The following KIAA1217 variants were observed in gnomAD, a reference collection of about 807,000 sequenced individuals.
KIAA1217 encodes the protein sickle tail protein homolog.
In KIAA1217, 88 loss-of-function variants were observed where a neutral mutation model predicts 163.9. The observed-to-expected ratio is 0.54, with a 90% CI of 0.45 to 0.64. The LOEUF is 0.64. KIAA1217 is among the 30% of genes least tolerant of loss of function. KIAA1217 has a pLI of 0.00. For synonymous variants in KIAA1217, 903 were observed against 923.1 expected (o/e 0.98, Z 0.39); for missense variants, 2,372 against 2,475.0 (o/e 0.96, Z 0.88).
At chr10:24,070,456 G>A (rs1029735362) in intron 2 of KIAA1217, among the ~76,000 whole-genome samples, 1 of 152,004 alleles carries the variant, frequency 6.6e-6, no homozygotes, top group Non-Finnish European at 1.5e-5. Flanking sequence ...CAAACAGCAG[G>A]TAATAGATTG....
intron 3 of KIAA1217, among the ~76,000 whole-genome samples, chr10:24,431,559 G>A (rs3762086): frequency 0.17 from 26,432 of 152,028 alleles, 2,386 homozygotes; most frequent in African/African-American, 0.22. Context: ...TAAAATGGGC[G>A]CTTAGATGGG....
chr10:23,813,356 T>C (rs1683618762), intron 1 of KIAA1217, among the ~76,000 whole-genome samples: 1 of 152,060 alleles, frequency 6.6e-6, no homozygotes, highest in South Asian at 2.1e-4. Context: ...AAATAAATAA[T>C]TCCTTTTTTT....
At chr10:24,151,046 G>A (rs1456112098) in intron 2 of KIAA1217, among the ~76,000 whole-genome samples, 2 of 152,122 alleles carry the variant, frequency 1.3e-5, no homozygotes, top group Non-Finnish European at 2.9e-5. Flanking sequence ...CCCGTTCTGG[G>A]AGACAAAGCT....
chr10:23,696,400 T>C (rs970801081), intron 1 of KIAA1217, among the ~76,000 whole-genome samples: 1 of 152,186 alleles, frequency 6.6e-6, no homozygotes, highest in Non-Finnish European at 1.5e-5. Flanking sequence ...GCTTCGGGAA[T>C]GGAAATCCCA....
chr10:24,162,453 C>T (rs922375474), intron 2 of KIAA1217, among the ~76,000 whole-genome samples: 3 of 152,192 alleles, frequency 2.0e-5, no homozygotes, highest in African/African-American at 7.2e-5. Context: ...CCTCTTCATC[C>T]CTGTGGCAGA....
intron 1 of KIAA1217, among the ~76,000 whole-genome samples, chr10:23,850,277 G>A (rs1839247084): frequency 6.6e-6 from 1 of 152,116 alleles, no homozygotes; most frequent in Non-Finnish European, 1.5e-5. Context: ...GCCATTACAG[G>A]CTAAGGTAAT....
intron 1 of KIAA1217, among the ~76,000 whole-genome samples, chr10:23,861,698 T>A (rs773321131): frequency 3.0e-4 from 46 of 152,264 alleles, no homozygotes; most frequent in Non-Finnish European, 5.7e-4. Context: ...TGCAGGTGGC[T>A]TTAAGAGTCT....
chr10:24,365,743 G>C (rs1422779892), intron 2 of KIAA1217, among the ~76,000 whole-genome samples: 2 of 152,086 alleles, frequency 1.3e-5, no homozygotes, highest in Admixed American at 1.3e-4. Flanking sequence ...ATCTTGGGTA[G>C]AATATTTTAG....
At chr10:23,704,061 C>G (rs1836677979) in intron 1 of KIAA1217, among the ~76,000 whole-genome samples, 1 of 144,040 alleles carries the variant, frequency 6.9e-6, no homozygotes, top group Admixed American at 6.9e-5. Flanking sequence ...ATACAATATA[C>G]TATATATATA....
intron 2 of KIAA1217, among the ~76,000 whole-genome samples, chr10:24,154,777 T>C (rs1377742328): frequency 6.6e-6 from 1 of 151,982 alleles, no homozygotes; most frequent in Non-Finnish European, 1.5e-5. Context: ...TTGGGGAATA[T>C]TTTATTTCCC....
intron 2 of KIAA1217, among the ~76,000 whole-genome samples, chr10:24,303,606 C>A (rs1371044150): frequency 6.6e-6 from 1 of 152,140 alleles, no homozygotes; most frequent in African/African-American, 2.4e-5. Flanking sequence ...TTCCTGATGT[C>A]ATTTACAGAG....
At chr10:24,127,957 A>G (rs565078567) in intron 2 of KIAA1217, among the ~76,000 whole-genome samples, 9 of 152,330 alleles carry the variant, frequency 5.9e-5, no homozygotes, top group African/African-American at 2.2e-4. Flanking sequence ...ATTCACACAC[A>G]TACAAAAAGA....
At chr10:23,729,190 A>G (rs748769535) in intron 1 of KIAA1217, among the ~76,000 whole-genome samples, 3 of 152,192 alleles carry the variant, frequency 2.0e-5, no homozygotes, top group Non-Finnish European at 2.9e-5. Flanking sequence ...TTACTTACTC[A>G]TCCACCTACT....
At chr10:23,919,420 A>G (rs1257754433) in intron 1 of KIAA1217, among the ~76,000 whole-genome samples, 1 of 151,882 alleles carries the variant, frequency 6.6e-6, no homozygotes, top group African/African-American at 2.4e-5. Flanking sequence ...AGCCTGGGCA[A>G]CATGGTGAAA....
chr10:23,868,034 G>A (rs1366425638), intron 1 of KIAA1217, among the ~76,000 whole-genome samples: 1 of 152,100 alleles, frequency 6.6e-6, no homozygotes, highest in South Asian at 2.1e-4. Flanking sequence ...TGTATAAGGT[G>A]TAAGGAAGGG....
At chr10:24,061,167 T>C (rs55869554) in intron 2 of KIAA1217, among the ~76,000 whole-genome samples, 14,723 of 152,194 alleles carry the variant, frequency 0.097, 1,075 homozygotes, top group African/African-American at 0.2. Flanking sequence ...TTTTCTTCTG[T>C]AGGTATTTTC....
At chr10:23,719,436 C>T (rs1038877250) in intron 1 of KIAA1217, among the ~76,000 whole-genome samples, 1 of 152,160 alleles carries the variant, frequency 6.6e-6, no homozygotes, top group Admixed American at 6.5e-5. Flanking sequence ...CAAAAATTAG[C>T]TAGGTGTGGT....
intron 2 of KIAA1217, among the ~76,000 whole-genome samples, chr10:24,324,171 G>C (rs1266711755): frequency 2.0e-5 from 3 of 152,138 alleles, no homozygotes; most frequent in Non-Finnish European, 4.4e-5. Flanking sequence ...CGGAGGCTGA[G>C]ACAGGAGGAT....
chr10:23,886,348 G>A (rs1173808195), intron 1 of KIAA1217, among the ~76,000 whole-genome samples: 1 of 151,904 alleles, frequency 6.6e-6, no homozygotes, highest in Non-Finnish European at 1.5e-5. Flanking sequence ...CAAAAGGATT[G>A]TCTCCAGTGT....
Sources: gnomAD v4.1 joint callset for allele counts (sites outside exome capture counted in the v4.1 genomes callset) on GRCh38, gnomAD v4.1.1 for gene constraint, MANE v1.5 for transcripts, NCBI Gene and HGNC (gene_info 2026-07-23, HGNC 2026-07-21) for gene names.